The following GRID1 variants were observed in gnomAD, a reference collection of about 807,000 sequenced individuals.
The protein encoded by GRID1 is glutamate receptor ionotropic, delta-1.
GRID1 carries 28 observed loss-of-function variants against 98.0 expected under a neutral mutation model. That is an observed-to-expected ratio of 0.29 (90% CI 0.21 to 0.39). The LOEUF (loss-of-function observed/expected upper bound fraction) is 0.39. Among genes scored for constraint, GRID1 ranks in the 10% least tolerant of loss-of-function variants. GRID1 has a pLI of 1.00. For synonymous variants in GRID1, 553 were observed against 538.5 expected, an observed-to-expected ratio of 1.03 and a Z score of -0.37; for missense variants, 1,111 against 1,340.5, an observed-to-expected ratio of 0.83 and a Z score of 2.67.
At chr10:85,945,242 A>C (rs1000377931) in intron 4 of GRID1, among the ~76,000 whole-genome samples, 2 of 152,248 alleles carry the variant, frequency 1.3e-5, no homozygotes, top group African/African-American at 4.8e-5. Context: ...AATGATTTTA[A>C]TAAGTTATGA....
chr10:85,696,662 TA>T (rs1841398408), intron 12 of GRID1, among the ~76,000 whole-genome samples: 1 of 152,068 alleles, frequency 6.6e-6, no homozygotes, highest in African/African-American at 2.4e-5. Flanking sequence ...ATATATATTC[TA>T]ATTTTTTCTT....
Position 85,667,613 on chromosome 10 carries a change from G to A in GRID1, c.1998-20216C>T, listed in dbSNP as rs115846777. Reference sequence around the variant, plus strand: ...TCCAGCATGTGAGCACAGGCTGTCTGGCTCCTGCACATGGACTCCTAACCG... The same window carrying A: ...TCCAGCATGTGAGCACAGGCTGTCTAGCTCCTGCACATGGACTCCTAACCG... On this transcript the variant is annotated intron_variant, in intron 12 of 15. Transcript: ENST00000327946. 1.7e-3 allele frequency among the ~76,000 whole-genome samples: 263 copies of A among 152,292 alleles called. 3 individuals are homozygous for A. The highest frequency in any genetic ancestry group is 6.0e-3 in the African/African-American group (248 of 41,564).
chr10:85,955,877 C>T (rs760254761), intron 4 of GRID1, among the ~76,000 whole-genome samples: 41 of 152,302 alleles, frequency 2.7e-4, no homozygotes, highest in Non-Finnish European at 3.7e-4. Context: ...TCCAGCTCAG[C>T]CTCCACCAGA....
intron 2 of GRID1, among the ~76,000 whole-genome samples, chr10:86,228,943 C>A (rs1432653241): frequency 3.3e-5 from 5 of 152,134 alleles, no homozygotes; most frequent in Non-Finnish European, 7.4e-5. Flanking sequence ...AAGTGTGACC[C>A]CTCTAAATGC....
At chr10:86,290,701 A>T (rs571965746) in intron 2 of GRID1, among the ~76,000 whole-genome samples, 1 of 152,278 alleles carries the variant, frequency 6.6e-6, no homozygotes, top group Admixed American at 6.5e-5. Context: ...GTTCCAGGTA[A>T]GAGAGCCACA....
chr10:86,230,990 T>A (rs1405293382), intron 2 of GRID1, among the ~76,000 whole-genome samples: 1 of 152,172 alleles, frequency 6.6e-6, no homozygotes, highest in Non-Finnish European at 1.5e-5. Flanking sequence ...CCTGGTTCCA[T>A]GAGACTTTCC....
intron 2 of GRID1, among the ~76,000 whole-genome samples, chr10:86,356,776 A>AC (rs1848539065): frequency 6.6e-6 from 1 of 152,266 alleles, no homozygotes; most frequent in African/African-American, 2.4e-5. Flanking sequence ...GCCATGGGTA[A>AC]CCAAGTGTAA....
chr10:85,853,822 C>A (rs1843083490), intron 8 of GRID1, among the ~76,000 whole-genome samples: 1 of 152,192 alleles, frequency 6.6e-6, no homozygotes, highest in Non-Finnish European at 1.5e-5. Context: ...CTTTGGGGAT[C>A]CCCACCCTGG....
At chr10:86,107,106 C>T (rs1844401856) in intron 4 of GRID1, among the ~76,000 whole-genome samples, 1 of 152,212 alleles carries the variant, frequency 6.6e-6, no homozygotes, top group Non-Finnish European at 1.5e-5. Flanking sequence ...AGTGCAGGCA[C>T]AGCAGGAAAG....
At chr10:86,180,943 A>G (rs1845646618) in intron 3 of GRID1, among the ~76,000 whole-genome samples, 1 of 152,210 alleles carries the variant, frequency 6.6e-6, no homozygotes, top group East Asian at 1.9e-4. Context: ...CTGGAGGGGC[A>G]GAGATGGTGC....
At chr10:86,058,765 T>C (rs560016308) in intron 4 of GRID1, among the ~76,000 whole-genome samples, 6 of 152,344 alleles carry the variant, frequency 3.9e-5, no homozygotes, top group African/African-American at 1.2e-4. Context: ...AAATATTTTC[T>C]TGAGCACCCG....
intron 8 of GRID1, among the ~76,000 whole-genome samples, chr10:85,819,268 G>A (rs1842741295): frequency 6.6e-6 from 1 of 152,064 alleles, no homozygotes; most frequent in Admixed American, 6.6e-5. Flanking sequence ...AAAATTAAAG[G>A]AGAAATAAGA....
Position 86,192,653 on chromosome 10 carries a change from G to T in GRID1, c.520+13711C>A, listed in dbSNP as rs2132009533. 6.6e-6 allele frequency among the ~76,000 whole-genome samples: 1 copy of T among 151,976 alleles called. No homozygotes were observed. Among genetic ancestry groups the T allele is most frequent in the East Asian group, 1.9e-4 (1 of 5,200 alleles). ...ACTGTACTTAACACCATTGAACTGTGCGTGAAAATGGTTAACATGGTAAAT... is the reference window on the plus strand; with the variant it reads ...ACTGTACTTAACACCATTGAACTGTTCGTGAAAATGGTTAACATGGTAAAT... On this transcript the variant is annotated intron_variant, in intron 3 of 15. Coordinates refer to ENST00000327946, the MANE Select transcript of GRID1 (RefSeq NM_017551.3). The surrounding 1 kb of genome is among the most constrained non-coding windows in gnomAD (Gnocchi z 4.8).
chr10:86,227,068 A>G lies in GRID1; in HGVS notation c.236-20420T>C, dbSNP rs568995520. ...GCTGGTGGAAAGGGGAAGCCTCCAA[A>G]GCCACAGAGTCAAGAAAGGGAGCCT... On this transcript the variant is annotated intron_variant, in intron 2 of 15. Transcript: ENST00000327946. 2.2e-4 allele frequency among the ~76,000 whole-genome samples: 33 copies of G among 152,314 alleles called. No individual in the cohort carries two copies. The East Asian group carries it at 5.8e-3, about 27-fold the overall frequency.
chr10:85,904,831 G>C (rs1841437864), intron 5 of GRID1, among the ~76,000 whole-genome samples: 1 of 151,774 alleles, frequency 6.6e-6, no homozygotes, highest in Non-Finnish European at 1.5e-5. Flanking sequence ...AAAAATAAGA[G>C]AAAAAGAACA....
intron 12 of GRID1, among the ~76,000 whole-genome samples, chr10:85,702,401 GA>G (rs1233431247): frequency 5.3e-5 from 8 of 151,986 alleles, no homozygotes; most frequent in African/African-American, 1.9e-4. Context: ...GAAATGAATT[GA>G]AAATGATCAG....
chr10:85,680,324 A>G (rs1040199420), intron 12 of GRID1, among the ~76,000 whole-genome samples: 1 of 150,382 alleles, frequency 6.6e-6, no homozygotes, highest in African/African-American at 2.5e-5. Flanking sequence ...CTACACCCTC[A>G]CTCCTTCCCT....
At chr10:86,069,361 C>T (rs1273881151) in intron 4 of GRID1, among the ~76,000 whole-genome samples, 1 of 152,160 alleles carries the variant, frequency 6.6e-6, no homozygotes, top group Non-Finnish European at 1.5e-5. Context: ...GTCAAGAGTG[C>T]TTCCCGGCCA....
At chr10:85,875,833 CA>C (rs1843323838) in intron 5 of GRID1, among the ~76,000 whole-genome samples, 1 of 152,182 alleles carries the variant, frequency 6.6e-6, no homozygotes, top group Admixed American at 6.5e-5. Context: ...TTGTTTGATA[CA>C]GCCAATATTT....
Sources: allele counts gnomAD v4.1 joint callset (sites outside exome capture counted in the v4.1 genomes callset), GRCh38; gene constraint gnomAD v4.1.1; non-coding constraint Gnocchi (gnomAD v3.1); transcripts MANE v1.5; gene names NCBI Gene and HGNC (gene_info 2026-07-23, HGNC 2026-07-21).